Variants in LDB1 observed in about 807,000 individuals in gnomAD.
LDB1 encodes LIM domain-binding protein 1.
Under a neutral mutation model 49.7 loss-of-function variants are expected in LDB1, and 6 were observed. The ratio of observed to expected loss-of-function variants is 0.12; its 90% CI spans 0.07 to 0.24. The LOEUF (loss-of-function observed/expected upper bound fraction) is 0.24. LDB1 is among the 10% of genes least tolerant of loss of function. The pLI is 1.00. For synonymous variants in LDB1, 233 were observed against 202.0 expected, an observed-to-expected ratio of 1.15 and a Z score of -1.30; for missense variants, 341 against 561.7, an observed-to-expected ratio of 0.61 and a Z score of 3.97.
At chr10:102,114,820 G>T (rs1489114855) in intron 1 of LDB1, 1 of 175,818 alleles carries the variant, frequency 5.7e-6, no homozygotes, top group Non-Finnish European at 7.2e-6. Flanking sequence ...CAGCCCGCCC[G>T]CCCTCCCCAG....
intron 10 of LDB1, among the ~76,000 whole-genome samples, chr10:102,108,622 A>G (rs2068203875): frequency 6.6e-6 from 1 of 152,114 alleles, no homozygotes; most frequent in South Asian, 2.1e-4. Context: ...ACTTCTGTCC[A>G]CATGTAAGAA....
Position 102,108,022 on chromosome 10 carries a change from G to C in LDB1, c.*71C>G. 8.3e-7 allele frequency: 1 copy of C among 1,201,190 alleles called. No individual in the cohort carries two copies. The highest frequency in any genetic ancestry group is 1.2e-6 in the Non-Finnish European group (1 of 816,650). The allele number at this position is 1,201,190 out of a possible 1,614,324, so 74.4% of individuals were successfully genotyped here. ...TTTAGATGCTCAGTCTCTTCATTCT[G>C]TCTTCTGCTCCCTGGGGCTGTGAGG... On this transcript the variant is annotated 3_prime_UTR_variant, in exon 11 of 11. Coordinates refer to ENST00000673968, the MANE Select transcript of LDB1 (RefSeq NM_001113407.3).
At chr10:102,113,097 G>A (rs747091868) in intron 1 of LDB1, among the ~76,000 whole-genome samples, 1 of 152,176 alleles carries the variant, frequency 6.6e-6, no homozygotes, top group Non-Finnish European at 1.5e-5. Flanking sequence ...CCCCAACTTA[G>A]ATACAAAACC....
downstream of LDB1, among the ~76,000 whole-genome samples, chr10:102,105,390 G>T (rs1286583746): frequency 6.6e-6 from 1 of 152,100 alleles, no homozygotes; most frequent in Non-Finnish European, 1.5e-5. Flanking sequence ...CCTTCCTCTG[G>T]TGTCTTCCTA....
chr10:102,121,345 G>T (rs2068418890), upstream of LDB1, among the ~76,000 whole-genome samples: 1 of 152,152 alleles, frequency 6.6e-6, no homozygotes, highest in East Asian at 1.9e-4. Context: ...GTCCTTTGAG[G>T]GCTTCGGAGA....
chr10:102,115,862 G>A (rs1178849993), intron 1 of LDB1, among the ~76,000 whole-genome samples: 1 of 152,016 alleles, frequency 6.6e-6, no homozygotes, highest in African/African-American at 2.4e-5. Context: ...TAAAACTTGG[G>A]TAGTGGGCCA....
intron 1 of LDB1, chr10:102,114,811 A>AGGGGC: frequency 1.1e-6 from 1 of 883,214 alleles, no homozygotes; most frequent in Non-Finnish European, 1.4e-6. Flanking sequence ...GCCTCCGAGC[A>AGGGGC]GCCCGCCCGC....
intron 1 of LDB1, among the ~76,000 whole-genome samples, chr10:102,115,758 G>A (rs982900747): frequency 6.6e-6 from 1 of 152,166 alleles, no homozygotes; most frequent in Non-Finnish European, 1.5e-5. Context: ...TAGTGGATAG[G>A]ACCTGTTCTC....
chr10:102,112,307 C>T lies in LDB1; in HGVS notation c.26-771G>A, dbSNP rs142673914. On this transcript the variant is annotated intron_variant, in intron 1 of 10. Transcript: ENST00000673968. ...GCAACTGAGGGCTCAAAGGACCTTGCCAAGATCATAAAGCTAGTAACTGTC... is the reference window on the plus strand; with the variant it reads ...GCAACTGAGGGCTCAAAGGACCTTGTCAAGATCATAAAGCTAGTAACTGTC... Among the ~76,000 whole-genome samples, 559 of 152,288 alleles carry T rather than the reference C, an allele frequency of 3.7e-3. 1 individual carries two copies. The highest frequency in any genetic ancestry group is 0.02 in the Middle Eastern group (6 of 294).
At chr10:102,114,972 C>G (rs1459770711) in intron 1 of LDB1, 1 of 436,952 alleles carries the variant, frequency 2.3e-6, no homozygotes, top group African/African-American at 2.1e-5. Flanking sequence ...CCCTCCCTCC[C>G]CGCTCGCTCT....
rs1257317303 is a variant in LDB1, at chr10:102,117,789, C to A, written c.25+2297G>T. Among the ~76,000 whole-genome samples the A allele has an allele frequency of 6.6e-6, 1 of 152,224 alleles. No individual in the cohort carries two copies. The highest frequency in any genetic ancestry group is 1.5e-5 in the Non-Finnish European group (1 of 68,032). On this transcript the variant is annotated intron_variant, in intron 1 of 10. Transcript: ENST00000673968. This position sits in a 1 kb window ranked among gnomAD's most constrained non-coding sequence, Gnocchi z 4.2. Reference sequence around the variant, plus strand: ...GTGATGCCCCTTAGTCAGAGGCTCTCCCTGCTCCCAGCCATTCCAGCCCCA... The same window carrying A: ...GTGATGCCCCTTAGTCAGAGGCTCTACCTGCTCCCAGCCATTCCAGCCCCA...
Position 102,117,458 on chromosome 10 carries a change from A to C in LDB1, c.25+2628T>G, listed in dbSNP as rs531661202. Among the ~76,000 whole-genome samples the C allele has an allele frequency of 4.6e-5, 7 of 152,256 alleles. No homozygotes were observed. The highest frequency in any genetic ancestry group is 1.7e-4 in the African/African-American group (7 of 41,554). On this transcript the variant is annotated intron_variant, in intron 1 of 10. Transcript: ENST00000673968. The surrounding 1 kb of genome is among the most constrained non-coding windows in gnomAD (Gnocchi z 4.2). ...CAAATAATGACAAAGATGATGAGGGAAAGTACTCCTCCTGGAGGTGGGGAC... is the reference window on the plus strand; with the variant it reads ...CAAATAATGACAAAGATGATGAGGGCAAGTACTCCTCCTGGAGGTGGGGAC...
upstream of LDB1, chr10:102,120,439 C>T (rs1033045585): frequency 1.0e-6 from 1 of 969,324 alleles, no homozygotes; most frequent in African/African-American, 1.8e-5. Flanking sequence ...CCGAGCGCCC[C>T]CCTCTCCGCC....
chr10:102,105,149 G>C (rs1344242797), downstream of LDB1, among the ~76,000 whole-genome samples: 1 of 152,156 alleles, frequency 6.6e-6, no homozygotes, highest in Non-Finnish European at 1.5e-5. Flanking sequence ...TGTACACTCA[G>C]TGCCAGACAC....
intron 1 of LDB1, chr10:102,114,896 TCGCACA>T: frequency 3.1e-6 from 3 of 957,804 alleles, no homozygotes; most frequent in Non-Finnish European, 3.7e-6. Flanking sequence ...TCACTCACAC[TCGCACA>T]CTCAAACACA....
chr10:102,104,470 A>T (rs2068139477), downstream of LDB1, among the ~76,000 whole-genome samples: 1 of 152,142 alleles, frequency 6.6e-6, no homozygotes, highest in Non-Finnish European at 1.5e-5. Flanking sequence ...GACTGGGCCC[A>T]CATATGTACC....
At chr10:102,110,246 T>A in intron 6 of LDB1, 1 of 638,136 alleles carries the variant, frequency 1.6e-6, no homozygotes, top group Non-Finnish European at 2.7e-6. Flanking sequence ...TAGAAAAGCT[T>A]AACAGATCCT....
chr10:102,111,571 G>C, intron 1 of LDB1, 35 bp from the exon 2 acceptor site: 2 of 1,303,032 alleles, frequency 1.5e-6, no homozygotes, highest in East Asian at 2.4e-5. Flanking sequence ...AGCTGGGCGC[G>C]GTGGCTCACA....
chr10:102,114,868 A>G, intron 1 of LDB1: 2 of 965,534 alleles, frequency 2.1e-6, no homozygotes, highest in Non-Finnish European at 2.4e-6. Context: ...CAGGAGAGGC[A>G]GGACCCGGCA....
Sources: allele counts gnomAD v4.1 joint callset (sites outside exome capture counted in the v4.1 genomes callset), GRCh38; gene constraint gnomAD v4.1.1; non-coding constraint Gnocchi (gnomAD v3.1); transcripts MANE v1.5; gene names NCBI Gene and HGNC (gene_info 2026-07-23, HGNC 2026-07-21).